The following SRFBP1 variants were observed in gnomAD, a reference collection of about 807,000 sequenced individuals.
SRFBP1 encodes serum response factor binding protein 1, also known as serum response factor-binding protein 1.
In SRFBP1, 47 loss-of-function variants were observed where a neutral mutation model predicts 45.5. The observed-to-expected ratio is 1.03, with a 90% confidence interval of 0.82 to 1.32. SRFBP1 has a LOEUF of 1.32. Ranked by LOEUF, SRFBP1 falls within the 40% of genes most tolerant of loss-of-function variation. The probability of loss-of-function intolerance (pLI) is 0.00; values close to 1 mark genes in which losing one functional copy is unlikely to be tolerated. For missense variants in SRFBP1, 621 were observed against 484.6 expected, an observed-to-expected ratio of 1.28 and a Z score of -2.64; for synonymous variants, 203 against 166.3, an observed-to-expected ratio of 1.22 and a Z score of -1.70.
At chr5:122,014,516 A>C (rs188476508) in intron 4 of SRFBP1, among the ~76,000 whole-genome samples, 4 of 152,224 alleles carry the variant, frequency 2.6e-5, no homozygotes, top group Admixed American at 2.6e-4. Flanking sequence ...TAAGTGCTCC[A>C]CAAAGATTGC....
chr5:122,069,318 C>G (rs1227640107), intron 2 of SRFBP1, among the ~76,000 whole-genome samples: 1 of 152,070 alleles, frequency 6.6e-6, no homozygotes, highest in Admixed American at 6.6e-5. Flanking sequence ...GAAGGCATAA[C>G]TCAAGTGGCA....
chr5:122,025,858 T>C (rs1753469225), intron 7 of SRFBP1, among the ~76,000 whole-genome samples: 1 of 152,152 alleles, frequency 6.6e-6, no homozygotes, highest in African/African-American at 2.4e-5. Flanking sequence ...CCCAGCACTT[T>C]GGGAGGCTGA....
intron 2 of SRFBP1, chr5:122,070,270 A>C: frequency 2.7e-6 from 2 of 743,592 alleles, no homozygotes; most frequent in South Asian, 3.3e-5. Flanking sequence ...AAGGGATTTT[A>C]ACTTAAGTAA....
At chr5:122,000,621 A>G (rs895086242) in intron 4 of SRFBP1, among the ~76,000 whole-genome samples, 9 of 152,058 alleles carry the variant, frequency 5.9e-5, no homozygotes, top group African/African-American at 2.2e-4. Flanking sequence ...TTAATTTTGT[A>G]AAAGTCTGCC....
At chr5:122,057,577 T>G (rs1021896624) in intron 2 of SRFBP1, among the ~76,000 whole-genome samples, 2 of 151,426 alleles carry the variant, frequency 1.3e-5, no homozygotes, top group African/African-American at 4.9e-5. Flanking sequence ...TCCTCCCTCC[T>G]CAGTCTCCCA....
At chr5:121,981,893 C>T (rs921603382) in intron 3 of SRFBP1, among the ~76,000 whole-genome samples, 3 of 151,900 alleles carry the variant, frequency 2.0e-5, no homozygotes, top group African/African-American at 7.2e-5. Context: ...ATTAATTGTT[C>T]CTAACACCTA....
chr5:122,077,900 T>C (rs768939667), downstream of SRFBP1: 4 of 1,519,654 alleles, frequency 2.6e-6, no homozygotes, highest in Admixed American at 9.4e-5. The surrounding 1 kb of genome is among the most constrained non-coding windows in gnomAD (Gnocchi z 4.9). Flanking sequence ...CGGGGGCTGC[T>C]GTTGGCCGGC....
At position 121,986,408 on chromosome 5, in the gene SRFBP1, G is replaced by C. The variant is rs78452957; in HGVS notation, c.199-8191G>C. On this transcript the variant is annotated intron_variant, in intron 3 of 7. Coordinates refer to ENST00000339397, the MANE Select transcript of SRFBP1 (RefSeq NM_152546.3). ...GAAAAATAAAGAGCATTTGGAGATGGCAAGTGTTGACAAGTGTTATAATTA... is the reference window on the plus strand; with the variant it reads ...GAAAAATAAAGAGCATTTGGAGATGCCAAGTGTTGACAAGTGTTATAATTA... Among the ~76,000 whole-genome samples, 781 of 152,114 alleles carry C rather than the reference G, an allele frequency of 5.1e-3. 19 individuals carry two copies. In the East Asian group the frequency reaches 0.053, roughly 10 times the overall value.
intron 2 of SRFBP1, among the ~76,000 whole-genome samples, chr5:122,074,895 T>C (rs1342633445): frequency 6.6e-6 from 1 of 152,182 alleles, no homozygotes; most frequent in Admixed American, 6.5e-5. Context: ...AATGATAGAA[T>C]TACCTTATGC....
intron 2 of SRFBP1, among the ~76,000 whole-genome samples, chr5:122,057,042 G>A (rs1382831643): frequency 3.9e-5 from 6 of 152,170 alleles, no homozygotes; most frequent in African/African-American, 1.4e-4. Flanking sequence ...AAAAATCTGA[G>A]GAAGAAGAAT....
chr5:121,992,004 A>G (rs983563951), intron 3 of SRFBP1, among the ~76,000 whole-genome samples: 2 of 152,166 alleles, frequency 1.3e-5, no homozygotes, highest in African/African-American at 4.8e-5. Context: ...TGTCCGAATA[A>G]TATGGTATAA....
At chr5:121,984,528 A>G (rs1489804495) in intron 3 of SRFBP1, among the ~76,000 whole-genome samples, 1 of 151,856 alleles carries the variant, frequency 6.6e-6, no homozygotes, top group Non-Finnish European at 1.5e-5. Context: ...TGTTTCAAAT[A>G]TAAATGGGCA....
At chr5:122,050,461 C>G (rs1047034036) in intron 2 of SRFBP1, among the ~76,000 whole-genome samples, 3 of 152,024 alleles carry the variant, frequency 2.0e-5, no homozygotes, top group African/African-American at 7.2e-5. Context: ...TCTCCTGATA[C>G]AATTTCAGGA....
chr5:121,971,688 A>G lies in SRFBP1; in HGVS notation c.37-2508A>G, dbSNP rs138550803. Among the ~76,000 whole-genome samples, 764 of 152,150 alleles carry G rather than the reference A, an allele frequency of 5.0e-3. 10 individuals carry two copies. The highest frequency in any genetic ancestry group is 0.017 in the African/African-American group (722 of 41,556). ...TAAACAATGTATTGTGAAAAGAAAC[A>G]CTGGCTTGGGACTGCCCCCTCAACT... On this transcript the variant is annotated intron_variant, in intron 1 of 7. Coordinates refer to ENST00000339397, the MANE Select transcript of SRFBP1 (RefSeq NM_152546.3).
At chr5:122,058,204 T>A (rs1754115843) in intron 2 of SRFBP1, among the ~76,000 whole-genome samples, 1 of 152,196 alleles carries the variant, frequency 6.6e-6, no homozygotes, top group Admixed American at 6.5e-5. Flanking sequence ...TCCTATAGAA[T>A]GACATAGTAC....
chr5:121,980,331 A>G (rs1752383865), intron 3 of SRFBP1, among the ~76,000 whole-genome samples: 1 of 152,060 alleles, frequency 6.6e-6, no homozygotes, highest in Non-Finnish European at 1.5e-5. Flanking sequence ...CTGGCACTTG[A>G]TTTAAGTGCC....
downstream of SRFBP1, among the ~76,000 whole-genome samples, chr5:122,029,078 C>G (rs2112718920): frequency 6.6e-6 from 1 of 152,166 alleles, no homozygotes; most frequent in African/African-American, 2.4e-5. Flanking sequence ...TGATTTTCCC[C>G]CCAGGGAACA....
intron 2 of SRFBP1, among the ~76,000 whole-genome samples, chr5:122,045,444 G>T (rs932556422): frequency 2.0e-5 from 3 of 152,132 alleles, no homozygotes; most frequent in African/African-American, 4.8e-5. Flanking sequence ...ATTGCTTCAG[G>T]CAGTATGGCC....
At chr5:122,074,276 A>G in intron 2 of SRFBP1, 2 of 878,912 alleles carry the variant, frequency 2.3e-6, no homozygotes, top group East Asian at 5.0e-5. Flanking sequence ...TTCACATTAA[A>G]ATTGAGACCA....
Sources: allele counts gnomAD v4.1 joint callset (sites outside exome capture counted in the v4.1 genomes callset), GRCh38; gene constraint gnomAD v4.1.1; non-coding constraint Gnocchi (gnomAD v3.1); transcripts MANE v1.5; gene names NCBI Gene and HGNC (gene_info 2026-07-23, HGNC 2026-07-21).